The following TENM4 variants were observed in gnomAD, a reference collection of about 807,000 sequenced individuals.
The protein encoded by TENM4 is teneurin-4.
In TENM4, 82 loss-of-function variants were observed where a neutral mutation model predicts 243.3. That is an observed-to-expected ratio of 0.34 (90% confidence interval 0.28 to 0.40). The LOEUF (loss-of-function observed/expected upper bound fraction) is 0.40, where lower values mean the gene tolerates loss of function less well. Among genes scored for constraint, TENM4 ranks in the 10% least tolerant of loss-of-function variants. The pLI, the probability that TENM4 is intolerant of heterozygous loss-of-function variation, is 1.00. For synonymous variants in TENM4, 1,412 were observed against 1,456.3 expected, an observed-to-expected ratio of 0.97 and a Z score of 0.69; for missense variants, 3,138 against 3,673.3, an observed-to-expected ratio of 0.85 and a Z score of 3.77.
chr11:78,708,621 G>T, intron 26 of TENM4, 106 bp from the exon 27 acceptor site: 1 of 1,336,290 alleles, frequency 7.5e-7, no homozygotes, highest in Non-Finnish European at 1.0e-6. Flanking sequence ...ACATGATTGG[G>T]TTTGAGCCTC....
intron 3 of TENM4, among the ~76,000 whole-genome samples, chr11:79,182,920 G>T (rs1863311907): frequency 6.6e-6 from 1 of 152,182 alleles, no homozygotes; most frequent in Non-Finnish European, 1.5e-5. Context: ...ATGCTAGTGA[G>T]GATGTGGAGC....
At chr11:78,819,671 G>A (rs1175040519) in intron 12 of TENM4, among the ~76,000 whole-genome samples, 4 of 152,244 alleles carry the variant, frequency 2.6e-5, no homozygotes, top group Admixed American at 6.5e-5. Flanking sequence ...AGGCCCACTC[G>A]ACACTCTCAT....
In TENM4 at chr11:78,669,186, C is replaced by G; in HGVS notation, c.7159G>C (p.Glu2387Gln). Reference sequence around the variant, plus strand: ...TTGGGGTTGGTATCCATGTAGATCTCCCCATAGGCTGTGTACAGGATTTGC... The same window carrying G: ...TTGGGGTTGGTATCCATGTAGATCTGCCCATAGGCTGTGTACAGGATTTGC... Reference protein sequence around the residue: ...IKQILYTAYGEIYMDTNPNFQ... With the variant: ...IKQILYTAYGQIYMDTNPNFQ... The change falls in exon 32 of 34, where the codon GAG (glutamate) becomes CAG (glutamine). Residue 2387 changes from glutamate to glutamine, a missense_variant. Around this residue, in one of 2 missense-constraint regions of TENM4, gnomAD observed 2,467 missense variants for 3,059.1 expected, o/e 0.81. Transcript: ENST00000278550. The surrounding 1 kb of genome is among the most constrained non-coding windows in gnomAD (Gnocchi z 6.4). The G allele has an allele frequency of 6.2e-7, 1 of 1,613,692 alleles. No individual in the cohort carries two copies. The highest frequency in any genetic ancestry group is 8.5e-7 in the Non-Finnish European group (1 of 1,179,794).
intron 6 of TENM4, among the ~76,000 whole-genome samples, chr11:78,926,886 T>C (rs1856565726): frequency 6.6e-6 from 1 of 152,192 alleles, no homozygotes; most frequent in African/African-American, 2.4e-5. Flanking sequence ...CTTTTAGAAA[T>C]GTTTATTTAC....
intron 1 of TENM4, among the ~76,000 whole-genome samples, chr11:79,401,301 G>A (rs937186652): frequency 1.3e-5 from 2 of 152,270 alleles, no homozygotes; most frequent in East Asian, 1.9e-4. Flanking sequence ...CCCTCTCGGA[G>A]CTCACAGACT....
intron 12 of TENM4, among the ~76,000 whole-genome samples, chr11:78,844,386 G>A (rs1284962851): frequency 6.6e-6 from 1 of 152,206 alleles, no homozygotes; most frequent in Admixed American, 6.5e-5. Context: ...GCTCATGCCT[G>A]TAATTCCAGC....
chr11:78,949,977 T>C (rs930730932), intron 6 of TENM4, among the ~76,000 whole-genome samples: 3 of 151,332 alleles, frequency 2.0e-5, no homozygotes, highest in Non-Finnish European at 4.4e-5. Context: ...ATTCCAGTGT[T>C]CCCCTTTGGT....
At chr11:79,012,483 A>G (rs908402207) in intron 6 of TENM4, among the ~76,000 whole-genome samples, 1 of 152,160 alleles carries the variant, frequency 6.6e-6, no homozygotes, top group Non-Finnish European at 1.5e-5. Context: ...AGCCCAGGAG[A>G]GTACCCTTGT....
At chr11:79,049,222 T>C (rs1859737067) in intron 6 of TENM4, among the ~76,000 whole-genome samples, 1 of 152,192 alleles carries the variant, frequency 6.6e-6, no homozygotes. Flanking sequence ...AATACAACTA[T>C]GGACCAAGTA....
chr11:79,023,580 A>C (rs1451860890), intron 6 of TENM4, among the ~76,000 whole-genome samples: 1 of 151,088 alleles, frequency 6.6e-6, no homozygotes, highest in Non-Finnish European at 1.5e-5. Flanking sequence ...AAAAAAAATC[A>C]TGATGACTCT....
chr11:78,771,239 C>T (rs1856641550), intron 17 of TENM4, 101 bp from the exon 18 acceptor site: 2 of 1,421,408 alleles, frequency 1.4e-6, no homozygotes, highest in East Asian at 5.0e-5. Context: ...CCTTCATATC[C>T]ATCAGCACAC....
chr11:79,369,912 C>T (rs967655989), intron 1 of TENM4, among the ~76,000 whole-genome samples: 1 of 152,174 alleles, frequency 6.6e-6, no homozygotes, highest in Non-Finnish European at 1.5e-5. Context: ...AAACCCAGGA[C>T]TGTCTGTCTC....
chr11:79,191,974 G>A (rs867229930), intron 3 of TENM4, among the ~76,000 whole-genome samples: 31 of 150,830 alleles, frequency 2.1e-4, no homozygotes, highest in African/African-American at 6.3e-4. Flanking sequence ...CCAGCCAGCC[G>A]CCCCGTCGGG....
intron 2 of TENM4, among the ~76,000 whole-genome samples, chr11:79,217,714 T>G (rs1022110489): frequency 2.0e-5 from 3 of 152,082 alleles, no homozygotes; most frequent in African/African-American, 7.2e-5. Context: ...TGAACTACCT[T>G]CAGGGTAGAA....
At chr11:79,277,308 C>G (rs1856074055) in intron 2 of TENM4, among the ~76,000 whole-genome samples, 1 of 152,180 alleles carries the variant, frequency 6.6e-6, no homozygotes, top group African/African-American at 2.4e-5. Context: ...GGGGCACTAA[C>G]AGTTGTTGAC....
chr11:79,317,308 T>G (rs952165541), intron 1 of TENM4, among the ~76,000 whole-genome samples: 8 of 152,206 alleles, frequency 5.3e-5, no homozygotes, highest in African/African-American at 1.9e-4. Flanking sequence ...TAATGAGCCA[T>G]GAAGTCAGCT....
rs79637913 is a variant in TENM4, at chr11:79,060,551, C to T, written c.493+4187G>A. Among the ~76,000 whole-genome samples the T allele has an allele frequency of 2.9e-3, 448 of 152,282 alleles. 1 individual carries two copies. Among genetic ancestry groups the T allele is most frequent in the African/African-American group, 0.01 (433 of 41,558 alleles). ...CTGGAGGTTGCTGGGGGTTATGCTTCACATTTTACATTTATCTGGTAAGGA... is the reference window on the plus strand; with the variant it reads ...CTGGAGGTTGCTGGGGGTTATGCTTTACATTTTACATTTATCTGGTAAGGA... On this transcript the variant is annotated intron_variant, in intron 6 of 33. Transcript: ENST00000278550.
chr11:79,085,976 C>A (rs533284154), intron 4 of TENM4, among the ~76,000 whole-genome samples: 1 of 152,280 alleles, frequency 6.6e-6, no homozygotes, highest in Admixed American at 6.5e-5. Context: ...ACAAACACCA[C>A]AAGCACAGCA....
intron 3 of TENM4, among the ~76,000 whole-genome samples, chr11:79,149,871 G>A (rs1467605170): frequency 1.3e-5 from 2 of 152,136 alleles, no homozygotes; most frequent in East Asian, 3.8e-4. Context: ...AGTGCACAAG[G>A]AAAGATCAAG....
Sources: gnomAD v4.1 joint callset for allele counts (sites outside exome capture counted in the v4.1 genomes callset) on GRCh38, gnomAD v4.1.1 for gene constraint, gnomAD v4.1.1 regional missense constraint, Gnocchi (gnomAD v3.1) non-coding constraint, MANE v1.5 for transcripts, NCBI Gene and HGNC (gene_info 2026-07-23, HGNC 2026-07-21) for gene names.